The following LUZP2 variants were observed in gnomAD, a reference collection of about 807,000 sequenced individuals.
LUZP2 encodes the protein leucine zipper protein 2.
Under a neutral mutation model 51.6 loss-of-function variants are expected in LUZP2, and 52 were observed. That is an observed-to-expected ratio of 1.01 (90% CI 0.81 to 1.27). The LOEUF (loss-of-function observed/expected upper bound fraction) is 1.27. Among genes scored for constraint, LUZP2 ranks in the 50% most tolerant of loss-of-function variants. The pLI is 0.00. For synonymous variants in LUZP2, 154 were observed against 137.3 expected, an observed-to-expected ratio of 1.12 and a Z score of -0.85; for missense variants, 436 against 395.4, an observed-to-expected ratio of 1.10 and a Z score of -0.87.
In LUZP2 at chr11:24,817,523, A is replaced by G. The variant is rs1372624791; in HGVS notation, c.396+54215A>G. ...ATGAGAGAGTTGGAATCTGAAATCC[A>G]AATTTCAACAGATCTGTTTGTCTTC... On this transcript the variant is annotated intron_variant, in intron 5 of 11. Coordinates refer to ENST00000336930, the MANE Select transcript of LUZP2 (RefSeq NM_001009909.4). 2.0e-5 allele frequency among the ~76,000 whole-genome samples: 3 copies of G among 152,078 alleles called. No homozygotes were observed. The East Asian group carries it at 5.8e-4, about 29-fold the overall frequency.
chr11:24,815,929 A>G (rs1478522936), intron 5 of LUZP2, among the ~76,000 whole-genome samples: 3 of 151,838 alleles, frequency 2.0e-5, no homozygotes, highest in Non-Finnish European at 4.4e-5. Flanking sequence ...GCTAGGTGGG[A>G]ATGCTGAAGT....
chr11:24,671,524 C>G (rs1343773171), intron 1 of LUZP2, among the ~76,000 whole-genome samples: 1 of 151,524 alleles, frequency 6.6e-6, no homozygotes. Flanking sequence ...CTTTCTTGGC[C>G]AAATAATCTT....
intron 5 of LUZP2, among the ~76,000 whole-genome samples, chr11:24,894,595 T>C (rs1187970037): frequency 6.6e-6 from 1 of 151,824 alleles, no homozygotes; most frequent in Non-Finnish European, 1.5e-5. Context: ...TCAGCCCATG[T>C]CTAACTCCCT....
At chr11:24,570,817 A>C (rs1366626647) in intron 1 of LUZP2, among the ~76,000 whole-genome samples, 1 of 152,056 alleles carries the variant, frequency 6.6e-6, no homozygotes, top group African/African-American at 2.4e-5. Context: ...TTCATATATA[A>C]AACATTCTAT....
At chr11:24,645,548 G>T (rs894536326) in intron 1 of LUZP2, among the ~76,000 whole-genome samples, 1 of 152,054 alleles carries the variant, frequency 6.6e-6, no homozygotes, top group East Asian at 1.9e-4. Flanking sequence ...TCACCCTCCT[G>T]TTCAAATGTT....
intron 5 of LUZP2, among the ~76,000 whole-genome samples, chr11:24,810,052 C>A (rs1413586789): frequency 6.6e-6 from 1 of 152,096 alleles, no homozygotes; most frequent in African/African-American, 2.4e-5. Flanking sequence ...TGCAGAGGAG[C>A]GGTTATGTTT....
At position 24,593,798 on chromosome 11, in the gene LUZP2, A is replaced by C. The variant is rs558002559; in HGVS notation, c.62+96493A>C. The stretch of plus-strand genomic sequence containing the variant: ...TCTTCTGCTGTATTTTATTAGTCAA[A>C]CAAATTCCTAAGGCCAGCTTCAACT... On this transcript the variant is annotated intron_variant, in intron 1 of 11. Transcript: ENST00000336930. Among the ~76,000 whole-genome samples, 4 of 152,268 alleles carry C rather than the reference A, an allele frequency of 2.6e-5. No individual in the cohort carries two copies. In the South Asian group the frequency reaches 6.2e-4, roughly 24 times the overall value.
rs189729228 is a variant in LUZP2 at position 24,842,606 on chromosome 11, A to T, written c.397-63385A>T. Among the ~76,000 whole-genome samples the T allele has an allele frequency of 3.5e-4, 53 of 152,112 alleles. 1 individual carries two copies. Among genetic ancestry groups the T allele is most frequent in the Admixed American group, 1.6e-3 (25 of 15,246 alleles). On this transcript the variant is annotated intron_variant, in intron 5 of 11. Coordinates refer to ENST00000336930, the MANE Select transcript of LUZP2 (RefSeq NM_001009909.4). ...GATAGCCTGCTGACAATGTTCTCTG[A>T]CCCTTAAGCTAGAAATCAATAATAT...
At chr11:24,556,559 C>A (rs1564988689) in intron 1 of LUZP2, among the ~76,000 whole-genome samples, 1 of 152,022 alleles carries the variant, frequency 6.6e-6, no homozygotes, top group Non-Finnish European at 1.5e-5. Flanking sequence ...GAAAAGAAAT[C>A]AAGGAATATG....
At chr11:24,870,415 A>G (rs1206494244) in intron 5 of LUZP2, among the ~76,000 whole-genome samples, 5 of 151,714 alleles carry the variant, frequency 3.3e-5, no homozygotes, top group East Asian at 1.9e-4. Flanking sequence ...CTGTTTTCCA[A>G]TCATAGTTCT....
chr11:24,610,584 CAGTGGTTCTAATTATGTTCTATG>C (rs912821728), intron 1 of LUZP2, among the ~76,000 whole-genome samples: 1 of 152,112 alleles, frequency 6.6e-6, no homozygotes. Context: ...TCACAGAATC[CAGTGGTTCTAATTATGTTCTATG>C]AGTGGTTCTA....
In LUZP2 at chr11:24,633,964, G is replaced by GTGTATA. The variant is rs141308575; in HGVS notation, c.63-95204_63-95203insGTATAT. The stretch of plus-strand genomic sequence containing the variant: ...CGTGTGTGTGTGTGTGTGTGTGTGT[G>GTGTATA]TATATATAGTCTGTCTATTAAAGGA... On this transcript the variant is annotated intron_variant, in intron 1 of 11. Transcript: ENST00000336930. Among the ~76,000 whole-genome samples the GTGTATA allele has an allele frequency of 2.5e-4, 37 of 149,246 alleles. No homozygotes were observed. In the East Asian group the frequency reaches 6.5e-3, roughly 26 times the overall value.
At chr11:25,059,820 T>C (rs1858785685) in intron 10 of LUZP2, among the ~76,000 whole-genome samples, 1 of 152,154 alleles carries the variant, frequency 6.6e-6, no homozygotes, top group Non-Finnish European at 1.5e-5. Context: ...ATGATCAGAA[T>C]TAATATGTTG....
At position 24,616,475 on chromosome 11, in the gene LUZP2, A is replaced by ATGTGTGTGTGTGTGTGTG. The variant is rs61413263; in HGVS notation, c.63-112684_63-112667dup. On this transcript the variant is annotated intron_variant, in intron 1 of 11. Coordinates refer to ENST00000336930, the MANE Select transcript of LUZP2 (RefSeq NM_001009909.4). The stretch of plus-strand genomic sequence containing the variant: ...TGTGTGTGTGGTATTTGGCGTGCGC[A>ATGTGTGTGTGTGTGTGTG]TGTGTGTGTGTGTGTGTGTGTGTGT... Among the ~76,000 whole-genome samples the ATGTGTGTGTGTGTGTGTG allele has an allele frequency of 5.5e-3, 542 of 98,508 alleles. 13 individuals are homozygous for ATGTGTGTGTGTGTGTGTG. The highest frequency in any genetic ancestry group is 0.014 in the African/African-American group (417 of 29,934). The allele number at this position is 98,508 out of a possible 152,430, so 64.6% of individuals were successfully genotyped here. A position where few individuals can be genotyped will look rare whatever the true frequency, so the allele number is the denominator to read the frequency against.
intron 5 of LUZP2, among the ~76,000 whole-genome samples, chr11:24,803,685 A>G (rs186953243): frequency 6.6e-6 from 1 of 152,242 alleles, no homozygotes; most frequent in East Asian, 1.9e-4. Context: ...CCACGACATG[A>G]TGAACTTTGA....
intron 9 of LUZP2, among the ~76,000 whole-genome samples, chr11:25,045,692 C>T (rs1858283914): frequency 6.6e-6 from 1 of 152,068 alleles, no homozygotes. Flanking sequence ...ATGCTAAAAT[C>T]AAATTTCCAT....
chr11:24,567,669 T>C (rs767015165), intron 1 of LUZP2, among the ~76,000 whole-genome samples: 4 of 152,090 alleles, frequency 2.6e-5, no homozygotes, highest in Non-Finnish European at 5.9e-5. Context: ...GGAAGCAGTA[T>C]GAAAAGACTT....
intron 1 of LUZP2, among the ~76,000 whole-genome samples, chr11:24,660,869 T>C (rs1161113785): frequency 6.6e-6 from 1 of 152,202 alleles, no homozygotes. Context: ...GAAATAATAC[T>C]GCTTATATAA....
At chr11:24,609,238 AAAG>A (rs575411011) in intron 1 of LUZP2, among the ~76,000 whole-genome samples, 35 of 152,282 alleles carry the variant, frequency 2.3e-4, no homozygotes, top group African/African-American at 4.8e-4. Context: ...GCCTACTTCT[AAAG>A]AAGGAGTCAT....
Sources: gnomAD v4.1 joint callset for allele counts (sites outside exome capture counted in the v4.1 genomes callset) on GRCh38, gnomAD v4.1.1 for gene constraint, MANE v1.5 for transcripts, NCBI Gene and HGNC (gene_info 2026-07-23, HGNC 2026-07-21) for gene names.